The following MAP3K14 variants were observed in gnomAD, a reference collection of about 807,000 sequenced individuals.
MAP3K14 encodes the protein mitogen-activated protein kinase kinase kinase 14, also known as NF-kappa-beta-inducing kinase.
A neutral mutation model predicts 99.2 loss-of-function variants in MAP3K14; 16 were observed. The ratio of observed to expected loss-of-function variants is 0.16; its 90% CI spans 0.11 to 0.24. The LOEUF is 0.24. MAP3K14 is among the 10% of genes least tolerant of loss of function. The pLI, the probability that MAP3K14 is intolerant of heterozygous loss-of-function variation, is 1.00. For missense variants in MAP3K14, 784 were observed against 1,208.7 expected, an observed-to-expected ratio of 0.65 and a Z score of 5.21; for synonymous variants, 462 against 492.4, an observed-to-expected ratio of 0.94 and a Z score of 0.82.
chr17:45,305,566 C>A (rs1224409502), intron 1 of MAP3K14, among the ~76,000 whole-genome samples: 1 of 151,954 alleles, frequency 6.6e-6, no homozygotes, highest in African/African-American at 2.4e-5. Flanking sequence ...TGGCTAATTT[C>A]ATTTATTTAT....
chr17:45,311,765 C>T (rs567490540), intron 1 of MAP3K14, among the ~76,000 whole-genome samples: 4 of 152,304 alleles, frequency 2.6e-5, no homozygotes, highest in African/African-American at 7.2e-5. Context: ...GGTGGAAAAG[C>T]GTTCCTAAAA....
intron 1 of MAP3K14, among the ~76,000 whole-genome samples, chr17:45,316,428 T>G (rs1229490547): frequency 6.6e-6 from 1 of 152,210 alleles, no homozygotes; most frequent in Non-Finnish European, 1.5e-5. Context: ...GGAGGGAGGA[T>G]GCTGCGGGCG....
At chr17:45,280,453 G>A (rs974324996) in intron 6 of MAP3K14, among the ~76,000 whole-genome samples, 3 of 151,744 alleles carry the variant, frequency 2.0e-5, no homozygotes, top group African/African-American at 2.4e-5. Flanking sequence ...ACAGGCATGC[G>A]CCACCACGCC....
chr17:45,273,171 G>C (rs1382208865), intron 9 of MAP3K14, among the ~76,000 whole-genome samples: 2 of 152,194 alleles, frequency 1.3e-5, no homozygotes, highest in Admixed American at 6.5e-5. Context: ...AGGAGAGCTG[G>C]GGTCACAGGC....
At chr17:45,315,139 A>C (rs541418680) in intron 1 of MAP3K14, among the ~76,000 whole-genome samples, 1 of 152,318 alleles carries the variant, frequency 6.6e-6, no homozygotes, top group Non-Finnish European at 1.5e-5. Context: ...AGTGTTCAAC[A>C]GGAGAACCAA....
Position 45,264,475 on chromosome 17 carries a change from T to C in MAP3K14, c.*161A>G. On this transcript the variant is annotated 3_prime_UTR_variant, in exon 16 of 16. Transcript: ENST00000344686. ...CTCAGGTGTGAAATCCTGGGAGGCA[T>C]TCTGCTTGCCCCCACCTTGCTGCTG... The C allele has an allele frequency of 1.2e-6, 1 of 841,108 alleles. No individual in the cohort carries two copies. Among genetic ancestry groups the C allele is most frequent in the Non-Finnish European group, 1.8e-6 (1 of 564,232 alleles). The allele number at this position is 841,108 out of a possible 1,614,324, so 52.1% of individuals were successfully genotyped here. A position where few individuals can be genotyped will look rare whatever the true frequency, so the allele number is the denominator to read the frequency against.
chr17:45,304,384 C>T (rs1004232997), intron 1 of MAP3K14, among the ~76,000 whole-genome samples: 11 of 152,136 alleles, frequency 7.2e-5, no homozygotes, highest in African/African-American at 2.7e-4. Flanking sequence ...ACTTTGTTTC[C>T]AATTTTTCAC....
chr17:45,312,458 A>C (rs1197166723), intron 1 of MAP3K14, among the ~76,000 whole-genome samples: 1 of 152,206 alleles, frequency 6.6e-6, no homozygotes, highest in Non-Finnish European at 1.5e-5. Flanking sequence ...AGAAAACAAA[A>C]TGTTATTTAA....
chr17:45,280,299 C>CTTTTTT (rs751994880), intron 6 of MAP3K14, among the ~76,000 whole-genome samples: 11 of 122,338 alleles, frequency 9.0e-5, no homozygotes, highest in African/African-American at 1.6e-4. Context: ...CACAGAAACA[C>CTTTTTT]TTTTTTTTTT....
chr17:45,277,833 CTA>C (rs2044191815), intron 6 of MAP3K14, among the ~76,000 whole-genome samples: 1 of 152,090 alleles, frequency 6.6e-6, no homozygotes, highest in African/African-American at 2.4e-5. Context: ...CTCTATGAAG[CTA>C]TGTTTTTGCA....
intron 1 of MAP3K14, among the ~76,000 whole-genome samples, chr17:45,313,708 T>A (rs1399335105): frequency 6.6e-6 from 1 of 152,226 alleles, no homozygotes; most frequent in East Asian, 1.9e-4. Flanking sequence ...TGGCCTTTTA[T>A]TAATTAAAAA....
chr17:45,280,755 A>ACC, intron 6 of MAP3K14, among the ~76,000 whole-genome samples: 1 of 151,842 alleles, frequency 6.6e-6, no homozygotes, highest in Non-Finnish European at 1.5e-5. Context: ...TATTACAGGC[A>ACC]TGCGCTACCA....
intron 1 of MAP3K14, among the ~76,000 whole-genome samples, chr17:45,306,373 AG>A (rs2044430157): frequency 6.6e-6 from 1 of 152,160 alleles, no homozygotes; most frequent in South Asian, 2.1e-4. Flanking sequence ...CACAAGTCAA[AG>A]GTTAGTGAGA....
At position 45,264,048 on chromosome 17, in the gene MAP3K14, A is replaced by T. The variant is rs2044045249; in HGVS notation, c.*588T>A. On this transcript the variant is annotated 3_prime_UTR_variant, in exon 16 of 16. Transcript: ENST00000344686. ...CAACCTGAAAAGTGTGGTGTATTCT[A>T]CCAGGGAGCCTTCCCAGGGTCAGGC... 6.6e-6 allele frequency: 1 copy of T among 152,324 alleles called. No homozygotes were observed. The highest frequency in any genetic ancestry group is 1.9e-4 in the East Asian group (1 of 5,186). The allele number at this position is 152,324 out of a possible 1,614,324, so 9.4% of individuals were successfully genotyped here.
At chr17:45,269,628 A>C (rs1350305753) in intron 11 of MAP3K14, among the ~76,000 whole-genome samples, 1 of 152,166 alleles carries the variant, frequency 6.6e-6, no homozygotes, top group Non-Finnish European at 1.5e-5. Context: ...GCCAATGGCC[A>C]GTGATTTATT....
Position 45,267,131 on chromosome 17 carries a change from G to A in MAP3K14, c.2394C>T (p.Leu798=), listed in dbSNP as rs778794691. 1 of 1,600,198 alleles carries A rather than the reference G, an allele frequency of 6.2e-7. No homozygotes were observed. Among genetic ancestry groups the A allele is most frequent in the South Asian group, 1.1e-5 (1 of 88,454 alleles). ...LEEQEQILSC[L]SIDSLSLSDD... ...CCGACAGGGAGAGGCTGTCGATGCT[G>A]AGGCACGAGAGAATTTGCTCCTGCT... The change falls in exon 13 of 16, where the codon CTC becomes CTT. Residue 798 remains leucine (L), a synonymous_variant. Coordinates refer to ENST00000344686, the MANE Select transcript of MAP3K14 (RefSeq NM_003954.5). The surrounding 1 kb of genome is among the most constrained non-coding windows in gnomAD (Gnocchi z 5.1).
At chr17:45,292,714 A>T (rs978157553) in intron 1 of MAP3K14, among the ~76,000 whole-genome samples, 7 of 152,202 alleles carry the variant, frequency 4.6e-5, no homozygotes, top group African/African-American at 1.4e-4. Context: ...CTAAGCCCAG[A>T]GCCGATCCCA....
chr17:45,265,328 G>A, intron 14 of MAP3K14, 65 bp from the exon 15 acceptor site: 1 of 1,088,698 alleles, frequency 9.2e-7, no homozygotes, highest in Non-Finnish European at 1.4e-6. Flanking sequence ...CAGGGTCCTG[G>A]CAGGGGCTGG....
intron 1 of MAP3K14, among the ~76,000 whole-genome samples, chr17:45,295,184 C>T (rs1166547892): frequency 6.6e-6 from 1 of 151,922 alleles, no homozygotes; most frequent in African/African-American, 2.4e-5. Flanking sequence ...GTAAAAATTC[C>T]AGACTGGGAA....
Sources: allele counts gnomAD v4.1 joint callset (sites outside exome capture counted in the v4.1 genomes callset), GRCh38; gene constraint gnomAD v4.1.1; non-coding constraint Gnocchi (gnomAD v3.1); transcripts MANE v1.5; gene names NCBI Gene and HGNC (gene_info 2026-07-23, HGNC 2026-07-21).